The following ABCA13 variants were observed in gnomAD, a reference collection of about 807,000 sequenced individuals.
The protein encoded by ABCA13 is ATP-binding cassette sub-family A member 13.
In ABCA13, 476 loss-of-function variants were observed where a neutral mutation model predicts 478.7. The ratio of observed to expected loss-of-function variants is 0.99; its 90% CI spans 0.92 to 1.07. ABCA13 has a LOEUF of 1.07. ABCA13 is among the 50% of genes least tolerant of loss of function. The pLI is 0.00. For synonymous variants in ABCA13, 2,252 were observed against 2,158.9 expected, an observed-to-expected ratio of 1.04 and a Z score of -1.20; for missense variants, 6,060 against 5,910.6, an observed-to-expected ratio of 1.03 and a Z score of -0.83.
At chr7:48,188,969 C>A (rs747191020) in intron 1 of ABCA13, among the ~76,000 whole-genome samples, 15 of 152,194 alleles carry the variant, frequency 9.9e-5, no homozygotes, top group Non-Finnish European at 2.1e-4. Context: ...AGCTTCCCTC[C>A]TGGAAGAGTA....
In ABCA13 at chr7:48,646,695, A is replaced by T. The variant is rs1586085419; in HGVS notation, c.*1183A>T. On this transcript the variant is annotated 3_prime_UTR_variant, in exon 62 of 62. Coordinates refer to ENST00000435803, the MANE Select transcript of ABCA13 (RefSeq NM_152701.5). ...TCGCCACACCCGGCTAATTTTTAGT[A>T]TTTTTAGTAGAGACGGGGTTTCACC... The T allele has an allele frequency of 1.3e-5, 2 of 152,172 alleles. No homozygotes were observed. Among genetic ancestry groups the T allele is most frequent in the East Asian group, 3.9e-4 (2 of 5,150 alleles). 9.4% of individuals were successfully genotyped at this position (152,172 alleles called of 1,614,324 possible). A position where few individuals can be genotyped will look rare whatever the true frequency, so the allele number is the denominator to read the frequency against.
chr7:48,283,605 G>A (rs944850786), intron 19 of ABCA13, among the ~76,000 whole-genome samples: 1 of 152,160 alleles, frequency 6.6e-6, no homozygotes, highest in Non-Finnish European at 1.5e-5. Context: ...ATGAGGGCTG[G>A]CACTAGGTTG....
chr7:48,297,987 T>C (rs952898322), intron 22 of ABCA13, among the ~76,000 whole-genome samples: 13 of 150,424 alleles, frequency 8.6e-5, no homozygotes, highest in Non-Finnish European at 1.5e-5. Flanking sequence ...GGTTTCACCA[T>C]GTTGGTCAGG....
At chr7:48,382,953 A>T (rs1257834912) in intron 35 of ABCA13, among the ~76,000 whole-genome samples, 1 of 152,068 alleles carries the variant, frequency 6.6e-6, no homozygotes, top group Non-Finnish European at 1.5e-5. Context: ...GATGTTCCAG[A>T]TCTAGGTGAC....
At chr7:48,330,582 C>T (rs939196208) in intron 27 of ABCA13, among the ~76,000 whole-genome samples, 4 of 150,330 alleles carry the variant, frequency 2.7e-5, no homozygotes, top group African/African-American at 7.3e-5. Context: ...TCCATCCATC[C>T]ATTCATTCAT....
intron 56 of ABCA13, among the ~76,000 whole-genome samples, chr7:48,582,976 G>T (rs1788846189): frequency 6.6e-6 from 1 of 152,148 alleles, no homozygotes; most frequent in South Asian, 2.1e-4. Context: ...TACATAGTCT[G>T]GGATGCTAGA....
In ABCA13 at chr7:48,471,600, G is replaced by C; in HGVS notation, c.12975+1G>C. The stretch of plus-strand genomic sequence containing the variant: ...ATTCCAGGATTCATGTGGCTGCCTG[G>C]TAGGTTTCTGCAGCATTTTTGATCT... On this transcript the variant is annotated splice_donor_variant, in intron 45 of 61. Transcript: ENST00000435803. LOFTEE classifies it high-confidence loss of function. 6.4e-7 allele frequency: 1 copy of C among 1,559,912 alleles called. No individual in the cohort carries two copies. Among genetic ancestry groups the C allele is most frequent in the Non-Finnish European group, 8.7e-7 (1 of 1,150,322 alleles).
At chr7:48,622,856 C>T (rs560103996) in intron 59 of ABCA13, among the ~76,000 whole-genome samples, 2 of 152,202 alleles carry the variant, frequency 1.3e-5, no homozygotes, top group East Asian at 3.9e-4. Context: ...AAAAAGTAGT[C>T]ATAGAAAGGT....
chr7:48,409,422 T>G (rs1392691056), intron 39 of ABCA13, among the ~76,000 whole-genome samples: 2 of 152,222 alleles, frequency 1.3e-5, no homozygotes, highest in African/African-American at 4.8e-5. Context: ...AATATTGGTT[T>G]CTGCCAAAGG....
At position 48,317,254 on chromosome 7, in the gene ABCA13, A is replaced by G. The variant is rs1802729261; in HGVS notation, c.9957A>G (p.Leu3319=). ...AACCCATATTGCATGGAAAAATACT[A>G]TACACACCAAACACTCCAGAAATTA... ...FLKPILHGKI[L]YTPNTPEINK... is the part of the protein sequence containing the mutation. Residue 3319 remains leucine, a synonymous_variant, in exon 27 of 62, where the codon CTA becomes CTG. Transcript: ENST00000435803. The G allele has an allele frequency of 1.2e-6, 2 of 1,613,698 alleles. No individual in the cohort carries two copies. The highest frequency in any genetic ancestry group is 1.3e-5 in the African/African-American group (1 of 75,054).
At chr7:48,414,246 TC>T (rs1819651688) in intron 41 of ABCA13, among the ~76,000 whole-genome samples, 1 of 152,208 alleles carries the variant, frequency 6.6e-6, no homozygotes, top group Admixed American at 6.5e-5. Context: ...TTCCTCAGCA[TC>T]AATTCTGTTC....
rs750014550 is a variant in ABCA13 at position 48,483,180 on chromosome 7, AT to A, written c.13182+24del. The A allele has an allele frequency of 7.5e-6, 12 of 1,592,328 alleles. No individual in the cohort carries two copies. Among genetic ancestry groups the A allele is most frequent in the Non-Finnish European group, 1.0e-5 (12 of 1,167,954 alleles). The stretch of plus-strand genomic sequence containing the variant: ...CTGGCAAAGGTAATCATATTTTTTT[AT>A]TTTTTTCCTGTTTTAGAAAGTATTT... On this transcript the variant is annotated intron_variant, in intron 47 of 61. Coordinates refer to ENST00000435803, the MANE Select transcript of ABCA13 (RefSeq NM_152701.5).
At chr7:48,440,790 T>A (rs1010140517) in intron 42 of ABCA13, among the ~76,000 whole-genome samples, 1 of 151,964 alleles carries the variant, frequency 6.6e-6, no homozygotes, top group African/African-American at 2.4e-5. Context: ...ATGTTCTGAA[T>A]TTGGAGAACA....
rs752959946 is a variant in ABCA13 at position 48,279,445 on chromosome 7, A to G, written c.8251A>G (p.Lys2751Glu). 1.2e-5 allele frequency: 20 copies of G among 1,607,548 alleles called. No homozygotes were observed. Among genetic ancestry groups the G allele is most frequent in the Non-Finnish European group, 1.6e-5 (19 of 1,176,244 alleles). Residue 2751 changes from lysine (K) to glutamate (E), a missense_variant, in exon 18 of 62, where the codon AAG becomes GAG. Coordinates refer to ENST00000435803, the MANE Select transcript of ABCA13 (RefSeq NM_152701.5). ...CTTAGAAGCTCTTTGGAAAAACTTA[A>G]AGAAAGATAATTGGAATGTTTCTAA... is the stretch of plus-strand genomic sequence containing the variant. ...LTLEALWKNL[K>E]KDNWNVSNVL...
At chr7:48,292,619 C>T (rs529256090) in intron 20 of ABCA13, among the ~76,000 whole-genome samples, 59 of 152,352 alleles carry the variant, frequency 3.9e-4, no homozygotes, top group African/African-American at 1.2e-3. Flanking sequence ...TCTTCTCCAC[C>T]TCGCTGGCTC....
At chr7:48,301,706 C>G (rs1268662629) in intron 23 of ABCA13, among the ~76,000 whole-genome samples, 1 of 152,070 alleles carries the variant, frequency 6.6e-6, no homozygotes, top group Non-Finnish European at 1.5e-5. Flanking sequence ...GTCACCACAT[C>G]AGGAGATTGG....
intron 55 of ABCA13, among the ~76,000 whole-genome samples, chr7:48,563,254 G>C (rs914139119): frequency 6.7e-6 from 1 of 149,994 alleles, no homozygotes; most frequent in South Asian, 2.1e-4. Flanking sequence ...CAGTGAGAAG[G>C]AGTTGTTCTT....
intron 52 of ABCA13, among the ~76,000 whole-genome samples, chr7:48,518,102 G>A (rs1443185960): frequency 6.6e-6 from 1 of 152,186 alleles, no homozygotes; most frequent in Non-Finnish European, 1.5e-5. Context: ...GATTTTTACA[G>A]ATTTATTATT....
rs1031849400 is a variant in ABCA13, at chr7:48,249,273, T to C, written c.1927T>C (p.Phe643Leu). The C allele has an allele frequency of 6.2e-7, 1 of 1,613,326 alleles. No individual in the cohort carries two copies. Among genetic ancestry groups the C allele is most frequent in the South Asian group, 1.1e-5 (1 of 91,042 alleles). The change falls in exon 15 of 62, where the codon TTC becomes CTC. Residue 643 changes from phenylalanine to leucine, a missense_variant. Around this residue, in one of 3 missense-constraint regions of ABCA13, gnomAD observed 4,423 missense variants for 4,309.1 expected, o/e 1.03. Transcript: ENST00000435803. ...GGAACAAGCATATTATTGGAAAGCCTTCAAAAAGTTTATCAGGAAGACTTG... is the reference window on the plus strand; with the variant it reads ...GGAACAAGCATATTATTGGAAAGCCCTCAAAAAGTTTATCAGGAAGACTTG... ...FLEQAYYWKA[F>L]KKFIRKTCEV...
Sources: gnomAD v4.1 joint callset for allele counts (sites outside exome capture counted in the v4.1 genomes callset) on GRCh38, gnomAD v4.1.1 for gene constraint, gnomAD v4.1.1 regional missense constraint, MANE v1.5 for transcripts, NCBI Gene and HGNC (gene_info 2026-07-23, HGNC 2026-07-21) for gene names.